The following UNC5C variants were observed in gnomAD, a reference collection of about 807,000 sequenced individuals.
The protein encoded by UNC5C is unc-5 netrin receptor C.
Under a neutral mutation model 99.8 loss-of-function variants are expected in UNC5C, and 47 were observed. The observed-to-expected ratio is 0.47, with a 90% CI of 0.37 to 0.60. UNC5C has a LOEUF of 0.60. UNC5C is among the 20% of genes least tolerant of loss of function. The pLI is 0.00. For missense variants in UNC5C, 1,062 were observed against 1,165.9 expected, an observed-to-expected ratio of 0.91 and a Z score of 1.30; for synonymous variants, 487 against 452.2, an observed-to-expected ratio of 1.08 and a Z score of -0.98.
At chr4:95,397,734 T>C (rs1411918969) in intron 1 of UNC5C, among the ~76,000 whole-genome samples, 2 of 152,326 alleles carry the variant, frequency 1.3e-5, no homozygotes, top group Admixed American at 1.3e-4. Context: ...AATGTCCGTA[T>C]ACTGAAAAAA....
chr4:95,198,952 G>A (rs1003300292), intron 12 of UNC5C, among the ~76,000 whole-genome samples: 5 of 152,140 alleles, frequency 3.3e-5, no homozygotes, highest in African/African-American at 4.8e-5. Context: ...AACCCAGGGA[G>A]TATTAAGAAA....
At chr4:95,359,280 C>T (rs1346001713) in intron 1 of UNC5C, among the ~76,000 whole-genome samples, 1 of 152,074 alleles carries the variant, frequency 6.6e-6, no homozygotes, top group South Asian at 2.1e-4. Flanking sequence ...TACTTTAGAC[C>T]TACTTCTACA....
At chr4:95,215,909 T>C (rs1251627383) in intron 10 of UNC5C, 1 of 405,218 alleles carries the variant, frequency 2.5e-6, no homozygotes, top group Non-Finnish European at 4.4e-6. Context: ...AAAAGATCTC[T>C]AGCCTTCTAC....
chr4:95,421,619 T>TACACACACACAC (rs3069166), intron 1 of UNC5C, among the ~76,000 whole-genome samples: 5,978 of 149,590 alleles, frequency 0.04, 182 homozygotes, highest in East Asian at 0.16. Context: ...CACTCTCTTT[T>TACACACACACAC]ACACACACAC....
chr4:95,171,480 T>C lies in UNC5C; in HGVS notation c.2452-1148A>G, dbSNP rs1453717394. Reference sequence around the variant, plus strand: ...TGTTCAATTCCCCCGTGAGTGAGAATATGCAGTGTTTGGTTTTTTGTTCTT... The same window carrying C: ...TGTTCAATTCCCCCGTGAGTGAGAACATGCAGTGTTTGGTTTTTTGTTCTT... On this transcript the variant is annotated intron_variant, in intron 14 of 15. Coordinates refer to ENST00000453304, the MANE Select transcript of UNC5C (RefSeq NM_003728.4). 4.6e-5 allele frequency among the ~76,000 whole-genome samples: 7 copies of C among 150,848 alleles called. No homozygotes were observed. The East Asian group carries it at 1.4e-3, about 30-fold the overall frequency.
chr4:95,355,097 G>T (rs767765227), intron 1 of UNC5C, among the ~76,000 whole-genome samples: 1 of 152,028 alleles, frequency 6.6e-6, no homozygotes, highest in African/African-American at 2.4e-5. Flanking sequence ...ATAAAAATAG[G>T]CTTTGAGATT....
rs576681922 is a variant in UNC5C at position 95,196,009 on chromosome 4, A to G, written c.2136+6722T>C. Among the ~76,000 whole-genome samples, 34 of 152,338 alleles carry G rather than the reference A, an allele frequency of 2.2e-4. 2 individuals are homozygous for G. In the South Asian group the frequency reaches 6.8e-3, roughly 31 times the overall value. ...CATACACTGCCCATAATGTATGAAAATAACTCCTTTTTTAGGTTCTGAATC... is the reference window on the plus strand; with the variant it reads ...CATACACTGCCCATAATGTATGAAAGTAACTCCTTTTTTAGGTTCTGAATC... On this transcript the variant is annotated intron_variant, in intron 12 of 15. Coordinates refer to ENST00000453304, the MANE Select transcript of UNC5C (RefSeq NM_003728.4).
chr4:95,175,650 G>A (rs1449802730), intron 14 of UNC5C, among the ~76,000 whole-genome samples: 3 of 152,078 alleles, frequency 2.0e-5, no homozygotes, highest in Admixed American at 6.5e-5. Flanking sequence ...TGGGTAACCC[G>A]ACCTTTCTCT....
At chr4:95,464,611 C>A (rs11938818) in intron 1 of UNC5C, among the ~76,000 whole-genome samples, 1 of 151,946 alleles carries the variant, frequency 6.6e-6, no homozygotes, top group Admixed American at 6.6e-5. Context: ...AACATTTTAC[C>A]GATGATAATT....
intron 12 of UNC5C, among the ~76,000 whole-genome samples, chr4:95,189,189 C>T (rs1736964987): frequency 1.3e-5 from 2 of 152,180 alleles, no homozygotes; most frequent in Admixed American, 1.3e-4. Context: ...CCTCAGTGGC[C>T]TAGTTTGGCT....
chr4:95,225,575 T>C (rs983281721), intron 7 of UNC5C, among the ~76,000 whole-genome samples: 14 of 152,026 alleles, frequency 9.2e-5, no homozygotes, highest in African/African-American at 3.4e-4. Flanking sequence ...TTGTTCTGAA[T>C]GAAAATAAAA....
At chr4:95,304,018 C>T (rs1327307827) in intron 2 of UNC5C, among the ~76,000 whole-genome samples, 1 of 152,066 alleles carries the variant, frequency 6.6e-6, no homozygotes, top group Non-Finnish European at 1.5e-5. Context: ...TGAACAACTA[C>T]CCAATGGGAG....
chr4:95,234,575 T>A (rs1302926120), intron 7 of UNC5C, among the ~76,000 whole-genome samples: 1 of 152,130 alleles, frequency 6.6e-6, no homozygotes, highest in Non-Finnish European at 1.5e-5. Flanking sequence ...TTGAAAACAA[T>A]TAAGTATGTG....
rs1042870205 is a variant in UNC5C at position 95,165,288 on chromosome 4, C to G, written c.*3946G>C. 6.6e-6 allele frequency: 1 copy of G among 152,206 alleles called. No homozygotes were observed. The highest frequency in any genetic ancestry group is 2.4e-5 in the African/African-American group (1 of 41,436). 9.4% of individuals were successfully genotyped at this position (152,206 alleles called of 1,614,324 possible). A position where few individuals can be genotyped will look rare whatever the true frequency, so the allele number is the denominator to read the frequency against. On this transcript the variant is annotated 3_prime_UTR_variant, in exon 16 of 16. Coordinates refer to ENST00000453304, the MANE Select transcript of UNC5C (RefSeq NM_003728.4). ...GCTCTACTTTTTGATAGTTGAGAGACTTAAATCTATAAAATAGTATATATG... is the reference window on the plus strand; with the variant it reads ...GCTCTACTTTTTGATAGTTGAGAGAGTTAAATCTATAAAATAGTATATATG...
At chr4:95,198,992 G>T (rs1476188010) in intron 12 of UNC5C, among the ~76,000 whole-genome samples, 3 of 152,152 alleles carry the variant, frequency 2.0e-5, no homozygotes, top group African/African-American at 4.8e-5. Flanking sequence ...AGACCAATTA[G>T]ATCAGAACCT....
intron 4 of UNC5C, among the ~76,000 whole-genome samples, chr4:95,271,509 G>A (rs1165150808): frequency 1.3e-5 from 2 of 152,130 alleles, no homozygotes; most frequent in Non-Finnish European, 2.9e-5. Context: ...GATTACAGGC[G>A]TGAGCCACCG....
chr4:95,525,940 C>T (rs949130713), intron 1 of UNC5C, among the ~76,000 whole-genome samples: 1 of 152,178 alleles, frequency 6.6e-6, no homozygotes, highest in Non-Finnish European at 1.5e-5. Flanking sequence ...AACTGTGTTA[C>T]TTTCTAAAAC....
chr4:95,439,372 A>G (rs1402768339), intron 1 of UNC5C, among the ~76,000 whole-genome samples: 1 of 145,428 alleles, frequency 6.9e-6, no homozygotes. Context: ...GAAGTGTTAC[A>G]TGAGGTTTTG....
At chr4:95,517,497 A>T (rs1722247733) in intron 1 of UNC5C, among the ~76,000 whole-genome samples, 1 of 152,208 alleles carries the variant, frequency 6.6e-6, no homozygotes, top group South Asian at 2.1e-4. Flanking sequence ...TGCATGCAGA[A>T]ACTTAAACAA....
Sources: gnomAD v4.1 joint callset for allele counts (sites outside exome capture counted in the v4.1 genomes callset) on GRCh38, gnomAD v4.1.1 for gene constraint, MANE v1.5 for transcripts, NCBI Gene and HGNC (gene_info 2026-07-23, HGNC 2026-07-21) for gene names.